The following OR6J1 variants were observed in gnomAD, a reference collection of about 807,000 sequenced individuals.
OR6J1 encodes olfactory receptor 6J1.
For missense variants in OR6J1, 304 were observed against 166.8 expected, an observed-to-expected ratio of 1.82 and a Z score of -4.53; for synonymous variants, 109 against 70.0, an observed-to-expected ratio of 1.56 and a Z score of -2.78.
rs757931008 is a variant in OR6J1 at position 22,634,379 on chromosome 14, C to T, written c.433G>A (p.Val145Ile). The T allele has an allele frequency of 1.3e-5, 9 of 703,226 alleles. No individual in the cohort carries two copies. The East Asian group carries it at 2.1e-4, about 17-fold the overall frequency. 43.6% of individuals were successfully genotyped at this position (703,226 alleles called of 1,614,324 possible). A position where few individuals can be genotyped will look rare whatever the true frequency, so the allele number is the denominator to read the frequency against. Residue 145 changes from valine to isoleucine, a missense_variant, in exon 2 of 2, where the codon GTA (valine) becomes ATA (isoleucine). By Grantham distance (29) the Val-to-Ile change is conservative. Transcript: ENST00000540461. Reference sequence around the variant, plus strand: ...AGGAAGCCTCCCACCCAAGAGAATACAACGGTCCCAATGCAGACAGAAGGT... The same window carrying T: ...AGGAAGCCTCCCACCCAAGAGAATATAACGGTCCCAATGCAGACAGAAGGT... ...MRPSVCIGTV[V>I]FSWVGGFLSV...
intron 1 of OR6J1, among the ~76,000 whole-genome samples, chr14:22,635,137 T>C (rs1681583): frequency 0.23 from 35,271 of 152,042 alleles, 4,354 homozygotes; most frequent in African/African-American, 0.32. Flanking sequence ...TTCTTAGATT[T>C]GGAAATTGTA....
At chr14:22,640,313 G>GAGGA (rs2037635866) in intron 1 of OR6J1, among the ~76,000 whole-genome samples, 3 of 69,010 alleles carry the variant, frequency 4.3e-5, no homozygotes, top group African/African-American at 1.3e-4. Flanking sequence ...GGAGGAGAGG[G>GAGGA]GAGGAGAGGA....
chr14:22,642,529 G>A (rs1255427604), intron 1 of OR6J1, among the ~76,000 whole-genome samples: 5 of 151,218 alleles, frequency 3.3e-5, no homozygotes, highest in Non-Finnish European at 7.4e-5. Flanking sequence ...TAGTAGAGAT[G>A]AGGTTTCACC....
chr14:22,633,627 G>A lies in OR6J1; in HGVS notation c.*141C>T. The A allele has an allele frequency of 1.7e-6, 1 of 595,474 alleles. No individual in the cohort carries two copies. The highest frequency in any genetic ancestry group is 3.0e-6 in the Non-Finnish European group (1 of 336,528). The allele number at this position is 595,474 out of a possible 1,614,324, so 36.9% of individuals were successfully genotyped here. ...GAGAGTACTGAGAGTCAGAATGGCT[G>A]GTGACACAGCTGCGGTCACAGATTA... On this transcript the variant is annotated 3_prime_UTR_variant, in exon 2 of 2. Transcript: ENST00000540461.
intron 1 of OR6J1, among the ~76,000 whole-genome samples, chr14:22,635,095 A>G (rs1628239): frequency 0.23 from 35,299 of 152,102 alleles, 4,367 homozygotes; most frequent in African/African-American, 0.32. Flanking sequence ...ATAATTTAGC[A>G]ATGTGTGTCA....
intron 1 of OR6J1, among the ~76,000 whole-genome samples, chr14:22,641,530 G>GAAA (rs2037652647): frequency 7.1e-6 from 1 of 140,216 alleles, no homozygotes; most frequent in Non-Finnish European, 1.5e-5. Flanking sequence ...GAAGAAAGAA[G>GAAA]GAAAGAAAGA....
At chr14:22,636,219 A>C (rs2037582156) in intron 1 of OR6J1, among the ~76,000 whole-genome samples, 1 of 100,122 alleles carries the variant, frequency 1.0e-5, no homozygotes, top group South Asian at 3.0e-4. Flanking sequence ...AAATTAAGAC[A>C]CTAGCGCCCT....
chr14:22,637,899 A>G (rs1454709522), intron 1 of OR6J1, among the ~76,000 whole-genome samples: 1 of 14,836 alleles, frequency 6.7e-5, no homozygotes, highest in Non-Finnish European at 1.2e-4. Flanking sequence ...TCCGGGAGGG[A>G]GGTGGGGGGG....
chr14:22,641,364 AG>A (rs1309498629), intron 1 of OR6J1, among the ~76,000 whole-genome samples: 10 of 119,468 alleles, frequency 8.4e-5, no homozygotes, highest in Non-Finnish European at 1.3e-4. Flanking sequence ...AAAGAAAGAA[AG>A]GGGGGAGAGA....
chr14:22,638,647 A>G (rs2037614346), intron 1 of OR6J1, among the ~76,000 whole-genome samples: 1 of 107,674 alleles, frequency 9.3e-6, no homozygotes, highest in African/African-American at 3.6e-5. Flanking sequence ...AAGAATGATC[A>G]ATAAAAAAAA....
rs2037542090 is a variant in OR6J1, at chr14:22,631,078, C to T, written c.*2690G>A. ...AGGTGTGGGTCACAGAGGTCACGTA[C>T]TTTACAAAGTAATAGAATATCACAA... On this transcript the variant is annotated 3_prime_UTR_variant, in exon 2 of 2. Transcript: ENST00000540461. The T allele has an allele frequency of 6.6e-6, 1 of 152,258 alleles. No homozygotes were observed. The highest frequency in any genetic ancestry group is 2.1e-4 in the South Asian group (1 of 4,818). The allele number at this position is 152,258 out of a possible 1,614,324, so 9.4% of individuals were successfully genotyped here. A position where few individuals can be genotyped will look rare whatever the true frequency, so the allele number is the denominator to read the frequency against.
At chr14:22,635,399 C>T in intron 1 of OR6J1, among the ~76,000 whole-genome samples, 1 of 152,064 alleles carries the variant, frequency 6.6e-6, no homozygotes, top group East Asian at 1.9e-4. Context: ...TTATTTTAAG[C>T]ATTATTTAAG....
rs528265433 is a variant in OR6J1, at chr14:22,634,645, G to C, written c.167C>G (p.Thr56Ser). 1.3e-5 allele frequency: 10 copies of C among 745,562 alleles called. No individual in the cohort carries two copies. 46.2% of individuals were successfully genotyped at this position (745,562 alleles called of 1,614,324 possible). A position where few individuals can be genotyped will look rare whatever the true frequency, so the allele number is the denominator to read the frequency against. Reference sequence around the variant, plus strand: ...GTTGCACAAGAAGAAGTACATGGGGGTGTGGAGGCGGGAGCAGGACAGCAC... The same window carrying C: ...GTTGCACAAGAAGAAGTACATGGGGCTGTGGAGGCGGGAGCAGGACAGCAC... ...STVLSCSRLH[T>S]PMYFFLCNLS... Residue 56 changes from threonine to serine, a missense_variant, in exon 2 of 2, where the codon ACC becomes AGC. Transcript: ENST00000540461.
Position 22,634,081 on chromosome 14 carries a change from AG to A in OR6J1, c.730del (p.Leu244Ter). 1 of 703,110 alleles carries A rather than the reference AG, an allele frequency of 1.4e-6. No individual in the cohort carries two copies. The highest frequency in any genetic ancestry group is 2.6e-6 in the Non-Finnish European group (1 of 384,914). The allele number at this position is 703,110 out of a possible 1,614,324, so 43.6% of individuals were successfully genotyped here. A position where few individuals can be genotyped will look rare whatever the true frequency, so the allele number is the denominator to read the frequency against. On this transcript the variant is annotated frameshift_variant, in exon 2 of 2. Transcript: ENST00000540461. LOFTEE classifies it low-confidence loss of function (END_TRUNC). ...GCCACTAGAAATGATGACTATGGTC[AG>A]GTGGGAAGCACAGGTATTAAAGGCC... ...KKAFNTCASHLTIVIISSGIT... is the reference protein window; with the variant it reads ...KKAFNTCASHXTIVIISSGIT...
chr14:22,641,536 AAAG>A (rs2037652740), intron 1 of OR6J1, among the ~76,000 whole-genome samples: 1 of 142,602 alleles, frequency 7.0e-6, no homozygotes, highest in African/African-American at 2.6e-5. Context: ...AGAAGGAAAG[AAAG>A]AAGGAAGGAA....
chr14:22,638,975 G>A lies in OR6J1; in HGVS notation c.-27-4137C>T, dbSNP rs1401414291. On this transcript the variant is annotated intron_variant, in intron 1 of 1. Coordinates refer to ENST00000540461, the MANE Select transcript of OR6J1 (RefSeq NM_001348233.2). ...ATGTGGGGAGCGCCTCTGCCCCGCC[G>A]CCCCATCTGGGATGTGAGGAGCGCC... is the stretch of plus-strand genomic sequence containing the variant. Among the ~76,000 whole-genome samples, 57 of 111,524 alleles carry A rather than the reference G, an allele frequency of 5.1e-4. 1 individual carries two copies. Among genetic ancestry groups the A allele is most frequent in the African/African-American group, 1.5e-3 (32 of 21,230 alleles). 73.2% of individuals were successfully genotyped at this position (111,524 alleles called of 152,430 possible). A position where few individuals can be genotyped will look rare whatever the true frequency, so the allele number is the denominator to read the frequency against.
intron 1 of OR6J1, among the ~76,000 whole-genome samples, chr14:22,643,338 C>G (rs1358617810): frequency 6.6e-6 from 1 of 151,590 alleles, no homozygotes; most frequent in Non-Finnish European, 1.5e-5. Context: ...CTCTGTCACC[C>G]AGGCTGGAGT....
At chr14:22,642,161 C>T (rs1464953813) in intron 1 of OR6J1, among the ~76,000 whole-genome samples, 1 of 151,860 alleles carries the variant, frequency 6.6e-6, no homozygotes, top group Non-Finnish European at 1.5e-5. Context: ...AGACAACTCA[C>T]CACATTTGCA....
At position 22,631,075 on chromosome 14, in the gene OR6J1, G is replaced by T. The variant is rs114659048; in HGVS notation, c.*2693C>A. The T allele has an allele frequency of 6.6e-6, 1 of 152,074 alleles. No homozygotes were observed. The highest frequency in any genetic ancestry group is 1.9e-4 in the East Asian group (1 of 5,194). 9.4% of individuals were successfully genotyped at this position (152,074 alleles called of 1,614,324 possible). ...AATAGGTGTGGGTCACAGAGGTCAC[G>T]TACTTTACAAAGTAATAGAATATCA... On this transcript the variant is annotated 3_prime_UTR_variant, in exon 2 of 2. Transcript: ENST00000540461.
Sources: gnomAD v4.1 joint callset for allele counts (sites outside exome capture counted in the v4.1 genomes callset) on GRCh38, gnomAD v4.1.1 for gene constraint, MANE v1.5 for transcripts, NCBI Gene and HGNC (gene_info 2026-07-23, HGNC 2026-07-21) for gene names.